Variants in AUTS2 observed in about 807,000 individuals in gnomAD.
AUTS2 encodes the protein autism susceptibility gene 2 protein.
AUTS2 carries 17 observed loss-of-function variants against 112.4 expected under a neutral mutation model. The observed-to-expected ratio is 0.15, with a 90% CI of 0.10 to 0.23. AUTS2 has a LOEUF of 0.23. Ranked by LOEUF, AUTS2 falls within the 10% of genes least tolerant of loss-of-function variation. AUTS2 has a pLI of 1.00. For missense variants in AUTS2, 1,510 were observed against 1,701.6 expected (o/e 0.89, Z 1.98); for synonymous variants, 751 against 702.7 (o/e 1.07, Z -1.09).
chr7:69,881,607 G>A (rs1171572932), intron 1 of AUTS2, among the ~76,000 whole-genome samples: 1 of 152,012 alleles, frequency 6.6e-6, no homozygotes, highest in Admixed American at 6.6e-5. Flanking sequence ...TAACATGATG[G>A]TCCTTTTAAT....
At chr7:70,646,120 G>C (rs780386669) in intron 5 of AUTS2, among the ~76,000 whole-genome samples, 2 of 152,158 alleles carry the variant, frequency 1.3e-5, no homozygotes, top group Non-Finnish European at 2.9e-5. Context: ...ACTGTAAAAT[G>C]CATCGACAGA....
At chr7:70,448,424 A>G (rs953450633) in intron 5 of AUTS2, among the ~76,000 whole-genome samples, 1 of 152,178 alleles carries the variant, frequency 6.6e-6, no homozygotes, top group East Asian at 1.9e-4. Context: ...AAGTTAGCAC[A>G]CTAAGAATTG....
intron 3 of AUTS2, among the ~76,000 whole-genome samples, chr7:70,121,793 T>C (rs562299281): frequency 1.2e-4 from 19 of 152,266 alleles, no homozygotes; most frequent in Middle Eastern, 3.4e-3. Flanking sequence ...AGCTGAAACA[T>C]ATAATTACCA....
chr7:70,024,336 CAT>C (rs1349517368), intron 2 of AUTS2, among the ~76,000 whole-genome samples: 1 of 152,160 alleles, frequency 6.6e-6, no homozygotes, highest in African/African-American at 2.4e-5. Context: ...TTGAGAACAA[CAT>C]GTGTTACATG....
At chr7:70,712,193 C>CTTTTTTTTTTTTTT (rs67326941) in intron 6 of AUTS2, among the ~76,000 whole-genome samples, 1 of 45,084 alleles carries the variant, frequency 2.2e-5, no homozygotes, top group African/African-American at 9.9e-5. Context: ...GCCTGGCTCA[C>CTTTTTTTTTTTTTT]TTTTTTTTTT....
chr7:70,643,353 A>C (rs10262145), intron 5 of AUTS2, among the ~76,000 whole-genome samples: 2 of 152,216 alleles, frequency 1.3e-5, no homozygotes, highest in Middle Eastern at 3.4e-3. Context: ...TGGGCAGATC[A>C]TGAAGTCAAG....
At chr7:69,814,473 G>A (rs929029311) in intron 1 of AUTS2, among the ~76,000 whole-genome samples, 5 of 152,220 alleles carry the variant, frequency 3.3e-5, no homozygotes, top group Non-Finnish European at 7.3e-5. Flanking sequence ...TCTGTGTGAC[G>A]TGGACCCATT....
At chr7:70,191,704 AAC>A (rs1809904511) in intron 4 of AUTS2, among the ~76,000 whole-genome samples, 1 of 152,180 alleles carries the variant, frequency 6.6e-6, no homozygotes, top group Non-Finnish European at 1.5e-5. Context: ...GAATAAATGC[AAC>A]AGATTGTTTG....
chr7:70,700,784 C>G (rs567541538), intron 6 of AUTS2, among the ~76,000 whole-genome samples: 1 of 152,112 alleles, frequency 6.6e-6, no homozygotes, highest in Non-Finnish European at 1.5e-5. Flanking sequence ...GTTTTTACTC[C>G]GGGTAGTGGC....
chr7:70,647,871 G>A (rs1806258319), intron 5 of AUTS2, among the ~76,000 whole-genome samples: 1 of 152,222 alleles, frequency 6.6e-6, no homozygotes, highest in Non-Finnish European at 1.5e-5. Context: ...TCTGGCTAAA[G>A]ACAGGATTGT....
chr7:69,747,224 G>A (rs988306551), intron 1 of AUTS2, among the ~76,000 whole-genome samples: 17 of 152,350 alleles, frequency 1.1e-4, no homozygotes, highest in Non-Finnish European at 1.9e-4. Flanking sequence ...CAGGGACCAC[G>A]CTTTGAGAAC....
At chr7:70,164,210 A>G (rs1041432746) in intron 4 of AUTS2, among the ~76,000 whole-genome samples, 1 of 152,240 alleles carries the variant, frequency 6.6e-6, no homozygotes, top group Non-Finnish European at 1.5e-5. Flanking sequence ...CTGTTGTTAC[A>G]TCTTACACTT....
At chr7:70,162,773 C>T (rs13230441) in intron 4 of AUTS2, among the ~76,000 whole-genome samples, 15,422 of 152,138 alleles carry the variant, frequency 0.1, 838 homozygotes, top group Admixed American at 0.13. Context: ...AAAATGTGAG[C>T]ACATCAGTGC....
chr7:69,718,543 T>C (rs1190103219), intron 1 of AUTS2, among the ~76,000 whole-genome samples: 1 of 152,210 alleles, frequency 6.6e-6, no homozygotes, highest in Non-Finnish European at 1.5e-5. Context: ...TGTTTCTCTT[T>C]TCCATAGTTA....
intron 4 of AUTS2, among the ~76,000 whole-genome samples, chr7:70,234,931 G>T (rs1177096106): frequency 6.6e-6 from 1 of 152,144 alleles, no homozygotes; most frequent in Non-Finnish European, 1.5e-5. Flanking sequence ...GCTTATTCCA[G>T]TGGAGCAGTG....
chr7:70,225,609 A>G (rs182762169), intron 4 of AUTS2, among the ~76,000 whole-genome samples: 104 of 152,294 alleles, frequency 6.8e-4, no homozygotes, highest in Non-Finnish European at 1.4e-3. Context: ...TAATCTCTGT[A>G]CAGGGGTTCA....
At chr7:70,489,536 G>C (rs1332498967) in intron 5 of AUTS2, among the ~76,000 whole-genome samples, 1 of 152,216 alleles carries the variant, frequency 6.6e-6, no homozygotes, top group Non-Finnish European at 1.5e-5. Flanking sequence ...TCAGGTTCCT[G>C]CTGTGCCCAA....
intron 4 of AUTS2, among the ~76,000 whole-genome samples, chr7:70,429,658 G>GT (rs1795571983): frequency 1.3e-5 from 2 of 152,188 alleles, no homozygotes; most frequent in Non-Finnish European, 2.9e-5. Context: ...GGAGTCAAGA[G>GT]TAAGCATTGG....
rs1233136341 is a variant in AUTS2 at position 70,245,144 on chromosome 7, G to GTGTA, written c.660+110574_660+110575insGTAT. ...CAAAAAAAAAAAAAAGTGTGTGTGTGTATATATATATATATATATATATAT... is the reference window on the plus strand; with the variant it reads ...CAAAAAAAAAAAAAAGTGTGTGTGTGTGTATATATATATATATATATATATATAT... On this transcript the variant is annotated intron_variant, in intron 4 of 18. Coordinates refer to ENST00000342771, the MANE Select transcript of AUTS2 (RefSeq NM_015570.4). Among the ~76,000 whole-genome samples, 49 of 108,968 alleles carry GTGTA rather than the reference G, an allele frequency of 4.5e-4. 1 individual carries two copies. In the East Asian group the frequency reaches 7.5e-3, roughly 17 times the overall value. The allele number at this position is 108,968 out of a possible 152,430, so 71.5% of individuals were successfully genotyped here.
Sources: gnomAD v4.1 joint callset for allele counts (sites outside exome capture counted in the v4.1 genomes callset) on GRCh38, gnomAD v4.1.1 for gene constraint, MANE v1.5 for transcripts, NCBI Gene and HGNC (gene_info 2026-07-23, HGNC 2026-07-21) for gene names.